SPOPL: variants seen among roughly 807,000 people sequenced by gnomAD.
The protein encoded by SPOPL is speckle-type POZ protein-like.
SPOPL carries 23 observed loss-of-function variants against 53.8 expected under a neutral mutation model. The ratio of observed to expected loss-of-function variants is 0.43; its 90% CI spans 0.31 to 0.61. The LOEUF is 0.61. Among genes scored for constraint, SPOPL ranks in the 20% least tolerant of loss-of-function variants. The pLI is 0.12. For synonymous variants in SPOPL, 164 were observed against 149.7 expected, an observed-to-expected ratio of 1.10 and a Z score of -0.70; for missense variants, 442 against 466.9, an observed-to-expected ratio of 0.95 and a Z score of 0.49.
chr2:138,512,292 T>C (rs750151582), intron 1 of SPOPL, among the ~76,000 whole-genome samples: 2 of 152,238 alleles, frequency 1.3e-5, no homozygotes, highest in South Asian at 2.1e-4. Flanking sequence ...TATAAAGTTT[T>C]AGCTGAAATC....
At chr2:138,544,888 G>C (rs1685157814) in intron 1 of SPOPL, among the ~76,000 whole-genome samples, 2 of 152,120 alleles carry the variant, frequency 1.3e-5, no homozygotes, top group Admixed American at 6.5e-5. Flanking sequence ...CCCCCCACCT[G>C]TTTTCAAGCA....
chr2:138,543,065 C>T (rs1232014101), intron 1 of SPOPL, among the ~76,000 whole-genome samples: 1 of 152,180 alleles, frequency 6.6e-6, no homozygotes, highest in Non-Finnish European at 1.5e-5. Flanking sequence ...ATATTGGCCC[C>T]CACTTTCTTC....
intron 10 of SPOPL, among the ~76,000 whole-genome samples, chr2:138,567,375 G>GTT (rs1204672841): frequency 3.6e-4 from 3 of 8,318 alleles, no homozygotes; most frequent in African/African-American, 2.5e-3. Flanking sequence ...GCAGTATAGT[G>GTT]TGTGTGTGTG....
chr2:138,569,301 A>G lies in SPOPL; in HGVS notation c.*221A>G, dbSNP rs1685730254. On this transcript the variant is annotated 3_prime_UTR_variant, in exon 11 of 11. Transcript: ENST00000280098. Reference sequence around the variant, plus strand: ...CACTTCAAGGCCTTAAATTATCTTCAATGACTTGTCTTGTTCATATAATAC... The same window carrying G: ...CACTTCAAGGCCTTAAATTATCTTCGATGACTTGTCTTGTTCATATAATAC... The G allele has an allele frequency of 6.2e-6, 3 of 487,314 alleles. No individual in the cohort carries two copies. Among genetic ancestry groups the G allele is most frequent in the Admixed American group, 7.6e-5 (2 of 26,396 alleles). 30.2% of individuals were successfully genotyped at this position (487,314 alleles called of 1,614,324 possible).
rs551487588 is a variant in SPOPL at position 138,553,874 on chromosome 2, A to G, written c.480+1193A>G. On this transcript the variant is annotated intron_variant, in intron 5 of 10. Transcript: ENST00000280098. ...AGTCTAAATAAATATAGGTTATGCTATATAAAATTTTTAGCATCCTTACTG... is the reference window on the plus strand; with the variant it reads ...AGTCTAAATAAATATAGGTTATGCTGTATAAAATTTTTAGCATCCTTACTG... Among the ~76,000 whole-genome samples, 21 of 152,244 alleles carry G rather than the reference A, an allele frequency of 1.4e-4. No individual in the cohort carries two copies. The East Asian group carries it at 3.7e-3, about 27-fold the overall frequency.
chr2:138,504,691 A>T (rs1684176144), intron 1 of SPOPL, among the ~76,000 whole-genome samples: 1 of 152,204 alleles, frequency 6.6e-6, no homozygotes, highest in African/African-American at 2.4e-5. Flanking sequence ...GTAATGAATT[A>T]TCTCATCTCC....
Position 138,541,912 on chromosome 2 carries a change from A to G in SPOPL, c.-60-8245A>G, listed in dbSNP as rs549855491. ...TCCCTCTACACACTGCTTTGAATGCATCCCAGAGATTCTGGTATGTTGTGT... is the reference window on the plus strand; with the variant it reads ...TCCCTCTACACACTGCTTTGAATGCGTCCCAGAGATTCTGGTATGTTGTGT... On this transcript the variant is annotated intron_variant, in intron 1 of 10. Transcript: ENST00000280098. 4.6e-5 allele frequency among the ~76,000 whole-genome samples: 7 copies of G among 152,130 alleles called. No homozygotes were observed. The East Asian group carries it at 1.2e-3, about 25-fold the overall frequency.
chr2:138,526,831 A>G (rs956019398), intron 1 of SPOPL, among the ~76,000 whole-genome samples: 1 of 151,938 alleles, frequency 6.6e-6, no homozygotes, highest in Admixed American at 6.6e-5. Flanking sequence ...GGTTCAAACA[A>G]TTCTTCTATC....
At chr2:138,560,528 C>T (rs1245157907) in intron 7 of SPOPL, among the ~76,000 whole-genome samples, 1 of 151,546 alleles carries the variant, frequency 6.6e-6, no homozygotes, top group Non-Finnish European at 1.5e-5. Flanking sequence ...GTCTGAATAT[C>T]AGGATATGGG....
At chr2:138,524,567 C>A (rs1361621323) in intron 1 of SPOPL, among the ~76,000 whole-genome samples, 1 of 152,192 alleles carries the variant, frequency 6.6e-6, no homozygotes. Flanking sequence ...AAACTGAATG[C>A]CTTTAACAGC....
At chr2:138,505,457 T>C (rs546937842) in intron 1 of SPOPL, among the ~76,000 whole-genome samples, 70 of 151,430 alleles carry the variant, frequency 4.6e-4, no homozygotes, top group Middle Eastern at 3.4e-3. Flanking sequence ...GGGAATAAAA[T>C]AAAGAAAAAA....
intron 1 of SPOPL, among the ~76,000 whole-genome samples, chr2:138,526,333 G>A (rs765934194): frequency 3.3e-5 from 5 of 151,978 alleles, no homozygotes; most frequent in African/African-American, 7.3e-5. Context: ...TTTCCTCTAA[G>A]GTTATTCAGC....
At position 138,525,469 on chromosome 2, in the gene SPOPL, T is replaced by C. The variant is rs539003240; in HGVS notation, c.-61+23350T>C. Among the ~76,000 whole-genome samples, 8 of 152,138 alleles carry C rather than the reference T, an allele frequency of 5.3e-5. No individual in the cohort carries two copies. The South Asian group carries it at 1.7e-3, about 32-fold the overall frequency. On this transcript the variant is annotated intron_variant, in intron 1 of 10. Transcript: ENST00000280098. ...AACTGATTTCAGTTTTCCAGATAAT[T>C]GACATACTGTGTTATATACTGCTTT...
At chr2:138,558,978 AT>A in intron 5 of SPOPL, 43 bp from the exon 6 acceptor site, 2 of 1,507,798 alleles carry the variant, frequency 1.3e-6, no homozygotes, top group Non-Finnish European at 1.8e-6. Flanking sequence ...AATTACTGAT[AT>A]TACTTTGTGA....
chr2:138,524,536 A>G (rs764018127), intron 1 of SPOPL, among the ~76,000 whole-genome samples: 5 of 152,208 alleles, frequency 3.3e-5, no homozygotes, highest in African/African-American at 4.8e-5. Context: ...TTTTCCAAAC[A>G]TTTATACTCT....
At chr2:138,550,656 T>A in intron 3 of SPOPL, 52 bp downstream of exon 3, 1 of 1,559,340 alleles carries the variant, frequency 6.4e-7, no homozygotes, top group Non-Finnish European at 8.7e-7. Flanking sequence ...GATGTGATCA[T>A]CAGCTGCTCA....
intron 1 of SPOPL, among the ~76,000 whole-genome samples, chr2:138,503,330 A>G (rs1684147152): frequency 6.6e-6 from 1 of 152,198 alleles, no homozygotes; most frequent in Non-Finnish European, 1.5e-5. Flanking sequence ...AAATGGGGTT[A>G]TGATATGACA....
chr2:138,542,541 G>C (rs1685096012), intron 1 of SPOPL, among the ~76,000 whole-genome samples: 2 of 152,084 alleles, frequency 1.3e-5, no homozygotes. Flanking sequence ...TGTTTTATCA[G>C]AGACTAGGAT....
rs188573094 is a variant in SPOPL at position 138,555,283 on chromosome 2, G to A, written c.480+2602G>A. The stretch of plus-strand genomic sequence containing the variant: ...CTGAAAGGTCTCACCTGTCAACATT[G>A]TTGCATTGGGTATTAAATTTCCAAC... On this transcript the variant is annotated intron_variant, in intron 5 of 10. Transcript: ENST00000280098. 4.7e-3 allele frequency among the ~76,000 whole-genome samples: 708 copies of A among 152,186 alleles called. 2 individuals carry two copies. Among genetic ancestry groups the A allele is most frequent in the Non-Finnish European group, 7.8e-3 (529 of 68,000 alleles).
Sources: allele counts gnomAD v4.1 joint callset (sites outside exome capture counted in the v4.1 genomes callset), GRCh38; gene constraint gnomAD v4.1.1; transcripts MANE v1.5; gene names NCBI Gene and HGNC (gene_info 2026-07-23, HGNC 2026-07-21).